DIO2: variants seen among roughly 807,000 people sequenced by gnomAD.
DIO2 encodes the protein type II iodothyronine deiodinase.
DIO2 carries 19 observed loss-of-function variants against 21.4 expected under a neutral mutation model. The observed-to-expected ratio is 0.89, with a 90% CI of 0.62 to 1.30. The LOEUF (loss-of-function observed/expected upper bound fraction) is 1.30, where lower values mean the gene tolerates loss of function less well. Ranked by LOEUF, DIO2 falls within the 50% of genes most tolerant of loss-of-function variation. The probability of loss-of-function intolerance (pLI) is 0.00; values close to 1 mark genes in which losing one functional copy is unlikely to be tolerated. For synonymous variants in DIO2, 122 were observed against 132.9 expected (o/e 0.92, Z 0.57); for missense variants, 302 against 338.1 (o/e 0.89, Z 0.84).
chr14:80,211,203 C>A (rs749477268), intron 1 of DIO2, 48 bp downstream of exon 1: 1 of 1,550,978 alleles, frequency 6.4e-7, no homozygotes, highest in South Asian at 1.1e-5. Context: ...AGCATATGAG[C>A]CCCTGCCCCT....
chr14:80,206,576 C>T (rs889764085), intron 1 of DIO2, among the ~76,000 whole-genome samples: 10 of 152,194 alleles, frequency 6.6e-5, no homozygotes, highest in Admixed American at 3.3e-4. Flanking sequence ...TCTTTGCTCT[C>T]CCCACGAGCA....
At chr14:80,204,724 C>T (rs1594873734) in intron 1 of DIO2, among the ~76,000 whole-genome samples, 1 of 152,246 alleles carries the variant, frequency 6.6e-6, no homozygotes, top group Non-Finnish European at 1.5e-5. Context: ...GAAGTCACTT[C>T]GAAGTGAATT....
chr14:80,213,753 G>A (rs183398425), upstream of DIO2, among the ~76,000 whole-genome samples: 1 of 152,080 alleles, frequency 6.6e-6, no homozygotes, highest in Non-Finnish European at 1.5e-5. Flanking sequence ...GTGAATGGGG[G>A]TGCCCTGGAA....
chr14:80,224,536 A>ACACACACAC (rs1292719181), intron 2 of DIO2, among the ~76,000 whole-genome samples: 12 of 53,850 alleles, frequency 2.2e-4, no homozygotes, highest in Non-Finnish European at 6.5e-4. Flanking sequence ...CACACACACA[A>ACACACACAC]GACAACAATG....
chr14:80,205,067 C>G (rs1233048988), intron 1 of DIO2, among the ~76,000 whole-genome samples: 2 of 152,116 alleles, frequency 1.3e-5, no homozygotes, highest in African/African-American at 4.8e-5. Context: ...ATGGAGAAAT[C>G]TAATAAGCAC....
intron 2 of DIO2, among the ~76,000 whole-genome samples, chr14:80,223,518 A>C (rs1349381539): frequency 6.6e-6 from 1 of 152,196 alleles, no homozygotes; most frequent in Non-Finnish European, 1.5e-5. Context: ...AAAGTTTTAG[A>C]GGTAGAAAGG....
chr14:80,204,814 A>G (rs934511790), intron 1 of DIO2, among the ~76,000 whole-genome samples: 3 of 152,172 alleles, frequency 2.0e-5, no homozygotes, highest in Non-Finnish European at 4.4e-5. Flanking sequence ...GTTAATGCAT[A>G]ACTCATTTTA....
upstream of DIO2, chr14:80,212,102 G>C (rs1202550475): frequency 6.6e-6 from 1 of 150,666 alleles, no homozygotes; most frequent in African/African-American, 2.4e-5. Context: ...CCCCAGGAGC[G>C]ACTGACTCCT....
At chr14:80,230,761 C>T (rs910871641) in intron 2 of DIO2, 11 of 152,132 alleles carry the variant, frequency 7.2e-5, no homozygotes, top group African/African-American at 1.9e-4. Context: ...ACTCTAGAAA[C>T]CCTAAAAGCA....
chr14:80,216,856 T>C (rs902563578), intron 2 of DIO2: 1 of 152,166 alleles, frequency 6.6e-6, no homozygotes, highest in Non-Finnish European at 1.5e-5. Context: ...AACCACCGGA[T>C]GATATTAAGT....
intron 2 of DIO2, chr14:80,216,810 T>C (rs537248898): frequency 1.3e-5 from 2 of 152,192 alleles, no homozygotes; most frequent in East Asian, 1.9e-4. Flanking sequence ...TGGAACAACA[T>C]TTCCTTTACT....
intron 2 of DIO2, chr14:80,230,843 G>T (rs372440442): frequency 6.6e-6 from 1 of 152,048 alleles, no homozygotes; most frequent in Non-Finnish European, 1.5e-5. Context: ...TATTAGTCAG[G>T]GTTCTCTAGA....
At chr14:80,218,477 T>G (rs1888399821) in intron 2 of DIO2, among the ~76,000 whole-genome samples, 1 of 152,162 alleles carries the variant, frequency 6.6e-6, no homozygotes, top group Non-Finnish European at 1.5e-5. Flanking sequence ...GTTCCTTACC[T>G]CTAAATTACC....
intron 2 of DIO2, among the ~76,000 whole-genome samples, chr14:80,221,489 T>G (rs953222958): frequency 9.9e-5 from 15 of 152,168 alleles, no homozygotes; most frequent in African/African-American, 2.2e-4. Context: ...TTTTTCACAT[T>G]CATTTTTAAT....
rs1887712298 is a variant in DIO2, at chr14:80,201,303, C to T, written c.*1386G>A. 2 of 151,956 alleles carry T rather than the reference C, an allele frequency of 1.3e-5. No individual in the cohort carries two copies. The highest frequency in any genetic ancestry group is 4.8e-5 in the African/African-American group (2 of 41,380). 9.4% of individuals were successfully genotyped at this position (151,956 alleles called of 1,614,324 possible). A position where few individuals can be genotyped will look rare whatever the true frequency, so the allele number is the denominator to read the frequency against. On this transcript the variant is annotated 3_prime_UTR_variant, in exon 2 of 2. Coordinates refer to ENST00000438257, the MANE Select transcript of DIO2 (RefSeq NM_013989.5). ...TGATATACCGGGGGTTGCCTTATAA[C>T]AAAGCCTCCAAAATGATTGATCAGA...
upstream of DIO2, among the ~76,000 whole-genome samples, chr14:80,215,801 G>A (rs1444678393): frequency 2.6e-5 from 4 of 152,230 alleles, no homozygotes; most frequent in African/African-American, 9.6e-5. Flanking sequence ...TGCCTCCAGT[G>A]ACTCTGCCTG....
chr14:80,222,631 C>G (rs936286885), intron 2 of DIO2, among the ~76,000 whole-genome samples: 2 of 152,146 alleles, frequency 1.3e-5, no homozygotes, highest in African/African-American at 4.8e-5. Context: ...CATTTAATAG[C>G]TCTGAAAAAC....
chr14:80,205,207 T>A (rs766123917), intron 1 of DIO2, among the ~76,000 whole-genome samples: 5 of 152,152 alleles, frequency 3.3e-5, no homozygotes, highest in Non-Finnish European at 5.9e-5. Context: ...TCTTTTTTTT[T>A]TATAGATCTA....
chr14:80,227,202 C>G (rs975730488), intron 2 of DIO2, among the ~76,000 whole-genome samples: 4 of 152,200 alleles, frequency 2.6e-5, no homozygotes, highest in African/African-American at 7.2e-5. Flanking sequence ...GAACCAGGCC[C>G]TAGTCTTCTC....
Sources: gnomAD v4.1 joint callset for allele counts (sites outside exome capture counted in the v4.1 genomes callset) on GRCh38, gnomAD v4.1.1 for gene constraint, MANE v1.5 for transcripts, NCBI Gene and HGNC (gene_info 2026-07-23, HGNC 2026-07-21) for gene names.